RBFOX2: variants seen among roughly 807,000 people sequenced by gnomAD.
RBFOX2 encodes the protein RNA binding fox-1 homolog 2.
RBFOX2 carries 10 observed loss-of-function variants against 49.1 expected under a neutral mutation model. The observed-to-expected ratio is 0.20, with a 90% confidence interval of 0.13 to 0.35. The LOEUF (loss-of-function observed/expected upper bound fraction) is 0.35, where lower values mean the gene tolerates loss of function less well. RBFOX2 is among the 10% of genes least tolerant of loss of function. RBFOX2 has a pLI of 1.00. For missense variants in RBFOX2, 323 were observed against 486.9 expected, an observed-to-expected ratio of 0.66 and a Z score of 3.17; for synonymous variants, 183 against 187.4, an observed-to-expected ratio of 0.98 and a Z score of 0.19.
chr22:35,919,236 G>T (rs764528187), intron 1 of RBFOX2, among the ~76,000 whole-genome samples: 5 of 152,202 alleles, frequency 3.3e-5, no homozygotes, highest in Admixed American at 6.5e-5. Flanking sequence ...TGGGCATAGA[G>T]GAATTAAGAA....
rs892023764 is a variant in RBFOX2 at position 35,749,892 on chromosome 22, A to C, written c.888-3331T>G. Among the ~76,000 whole-genome samples, 2 of 152,180 alleles carry C rather than the reference A, an allele frequency of 1.3e-5. No individual in the cohort carries two copies. Among genetic ancestry groups the C allele is most frequent in the Non-Finnish European group, 2.9e-5 (2 of 68,022 alleles). ...AGCATGCCAACATCTGGAGCTAAAC[A>C]ACCAGCAAAATCACCACGTTCAGAC... On this transcript the variant is annotated intron_variant, in intron 9 of 11. Coordinates refer to ENST00000405409, the Ensembl canonical transcript of RBFOX2. The surrounding 1 kb of genome is among the most constrained non-coding windows in gnomAD (Gnocchi z 4.1).
At chr22:35,904,801 G>A (rs183018949) in intron 1 of RBFOX2, among the ~76,000 whole-genome samples, 8 of 152,208 alleles carry the variant, frequency 5.3e-5, no homozygotes, top group East Asian at 1.9e-4. Context: ...GAACTACGTC[G>A]TCTAACACGC....
chr22:35,849,298 A>AACACACACAC (rs61515031), intron 1 of RBFOX2, among the ~76,000 whole-genome samples: 266 of 133,342 alleles, frequency 2.0e-3, no homozygotes, highest in South Asian at 6.4e-3. Flanking sequence ...TACACACACA[A>AACACACACAC]ACACACACAC....
At chr22:35,791,426 T>C (rs1444684653) in intron 2 of RBFOX2, among the ~76,000 whole-genome samples, 2 of 151,976 alleles carry the variant, frequency 1.3e-5, no homozygotes, top group Non-Finnish European at 2.9e-5. Context: ...GATGTCAGGT[T>C]CTAAACCCTT....
intron 1 of RBFOX2, among the ~76,000 whole-genome samples, chr22:35,953,681 A>T (rs1405208573): frequency 6.6e-6 from 1 of 152,024 alleles, no homozygotes; most frequent in African/African-American, 2.4e-5. Context: ...CTCCATTAAC[A>T]TTTTTTTTAA....
chr22:35,905,751 T>C (rs2049054128), intron 1 of RBFOX2, among the ~76,000 whole-genome samples: 1 of 152,132 alleles, frequency 6.6e-6, no homozygotes, highest in Admixed American at 6.6e-5. Flanking sequence ...GGGAGGGGGA[T>C]GAGGAAGCTC....
At chr22:35,765,189 C>T (rs967108121) in intron 6 of RBFOX2, among the ~76,000 whole-genome samples, 3 of 150,306 alleles carry the variant, frequency 2.0e-5, no homozygotes, top group African/African-American at 7.4e-5. Context: ...AGCATGTTTG[C>T]ACTGTGTAAA....
chr22:35,939,113 A>C (rs1410394356), upstream of RBFOX2: 4 of 695,188 alleles, frequency 5.8e-6, no homozygotes, highest in Non-Finnish European at 1.1e-5. Flanking sequence ...ACTATTCATA[A>C]AAACTATTTC....
intron 1 of RBFOX2, among the ~76,000 whole-genome samples, chr22:35,871,215 C>G (rs1374578069): frequency 6.6e-6 from 1 of 152,154 alleles, no homozygotes; most frequent in East Asian, 1.9e-4. Context: ...TTTCCAAGAC[C>G]TATGCTCTAA....
chr22:36,000,902 G>T (rs994318336), intron 1 of RBFOX2, among the ~76,000 whole-genome samples: 1 of 152,116 alleles, frequency 6.6e-6, no homozygotes, highest in East Asian at 1.9e-4. Context: ...TTTTAGAAAT[G>T]AAAGTTCTTT....
At chr22:35,963,260 C>T (rs547145864), upstream of RBFOX2, among the ~76,000 whole-genome samples, 1 of 152,162 alleles carries the variant, frequency 6.6e-6, no homozygotes, top group East Asian at 1.9e-4. Context: ...GAAGCACATG[C>T]TAACAACTGA....
intron 2 of RBFOX2, among the ~76,000 whole-genome samples, chr22:35,790,961 T>G (rs548429224): frequency 6.6e-6 from 1 of 151,680 alleles, no homozygotes; most frequent in East Asian, 1.9e-4. Context: ...TGAGCTATGA[T>G]CATATCACTG....
At chr22:35,876,178 C>A (rs896854949) in intron 1 of RBFOX2, among the ~76,000 whole-genome samples, 2 of 151,996 alleles carry the variant, frequency 1.3e-5, no homozygotes, top group Admixed American at 6.6e-5. Context: ...AAATGTGAAC[C>A]CAGAACTTAT....
intron 1 of RBFOX2, among the ~76,000 whole-genome samples, chr22:35,934,753 A>G (rs2052856549): frequency 6.6e-6 from 1 of 152,146 alleles, no homozygotes; most frequent in Non-Finnish European, 1.5e-5. Flanking sequence ...CTTCTTATAT[A>G]AAAACCCTAG....
At chr22:35,991,101 T>A (rs1414146701) in intron 1 of RBFOX2, among the ~76,000 whole-genome samples, 7 of 151,778 alleles carry the variant, frequency 4.6e-5, no homozygotes, top group Non-Finnish European at 8.8e-5. Context: ...CTCTAAATTT[T>A]AAAAATTACA....
At chr22:36,028,439 C>T in exon 1 of RBFOX2, 5 of 1,197,544 alleles carry the variant, frequency 4.2e-6, no homozygotes, top group Non-Finnish European at 5.2e-6. Flanking sequence ...CCCGCGCCCC[C>T]CTCGCCTCCG....
intron 1 of RBFOX2, among the ~76,000 whole-genome samples, chr22:35,881,458 G>C (rs1023971413): frequency 2.0e-5 from 3 of 151,716 alleles, no homozygotes; most frequent in Non-Finnish European, 2.9e-5. Context: ...CACATCTGTA[G>C]TCCCACCCAG....
rs546124605 is a variant in RBFOX2 at position 35,820,921 on chromosome 22, G to A, written c.28-10917C>T. ...ATGAACTACATACAATAGCCACAGC[G>A]AGATATAGACTGGGGGGCCTGAGCA... is the stretch of plus-strand genomic sequence containing the variant. On this transcript the variant is annotated intron_variant, in intron 1 of 11. Transcript: ENST00000405409. Among the ~76,000 whole-genome samples, 7 of 152,214 alleles carry A rather than the reference G, an allele frequency of 4.6e-5. No homozygotes were observed. The South Asian group carries it at 1.0e-3, about 23-fold the overall frequency.
chr22:35,823,582 AT>A (rs2148501551), intron 1 of RBFOX2, among the ~76,000 whole-genome samples: 1 of 152,350 alleles, frequency 6.6e-6, no homozygotes, highest in East Asian at 1.9e-4. Flanking sequence ...AGAAGTAATG[AT>A]TTATTTTCTG....
Sources: allele counts gnomAD v4.1 joint callset (sites outside exome capture counted in the v4.1 genomes callset), GRCh38; gene constraint gnomAD v4.1.1; non-coding constraint Gnocchi (gnomAD v3.1); transcripts MANE v1.5; gene names NCBI Gene and HGNC (gene_info 2026-07-23, HGNC 2026-07-21).